CDK19: variants seen among roughly 807,000 people sequenced by gnomAD.
CDK19 encodes cyclin-dependent kinase 19.
In CDK19, 20 loss-of-function variants were observed where a neutral mutation model predicts 68.3. The ratio of observed to expected loss-of-function variants is 0.29; its 90% CI spans 0.21 to 0.43. The LOEUF is 0.43. Ranked by LOEUF, CDK19 falls within the 20% of genes least tolerant of loss-of-function variation. The pLI is 1.00. For synonymous variants in CDK19, 221 were observed against 222.8 expected (o/e 0.99, Z 0.07); for missense variants, 339 against 623.5 (o/e 0.54, Z 4.86).
At chr6:110,811,938 T>C (rs1339173595) in intron 1 of CDK19, among the ~76,000 whole-genome samples, 1 of 151,720 alleles carries the variant, frequency 6.6e-6, no homozygotes, top group Non-Finnish European at 1.5e-5. Context: ...TGGCTCACAC[T>C]TGTAATCCCA....
At chr6:110,749,377 G>A (rs1179697138) in intron 1 of CDK19, among the ~76,000 whole-genome samples, 1 of 150,222 alleles carries the variant, frequency 6.7e-6, no homozygotes, top group Non-Finnish European at 1.5e-5. Flanking sequence ...GAGACACTAT[G>A]TTCCTTTTTT....
chr6:110,678,715 T>C (rs1014534022), intron 2 of CDK19, among the ~76,000 whole-genome samples: 6 of 152,180 alleles, frequency 3.9e-5, no homozygotes, highest in African/African-American at 1.2e-4. Flanking sequence ...TGTAATTCAA[T>C]AGAAAAAAAT....
At chr6:110,702,244 G>A (rs1442864059) in intron 2 of CDK19, among the ~76,000 whole-genome samples, 2 of 152,136 alleles carry the variant, frequency 1.3e-5, no homozygotes, top group African/African-American at 4.8e-5. Flanking sequence ...CCAGGATTTT[G>A]AGACCAGACT....
At chr6:110,651,297 T>G (rs1233898711) in intron 4 of CDK19, among the ~76,000 whole-genome samples, 1 of 152,078 alleles carries the variant, frequency 6.6e-6, no homozygotes, top group African/African-American at 2.4e-5. Flanking sequence ...TCTGTCTGTC[T>G]AACTATCTTC....
intron 1 of CDK19, among the ~76,000 whole-genome samples, chr6:110,773,128 C>A (rs1427059733): frequency 2.0e-5 from 3 of 151,404 alleles, no homozygotes; most frequent in Non-Finnish European, 2.9e-5. Context: ...AGGCAGATCA[C>A]GAGGTCAAGA....
chr6:110,799,740 G>T (rs1782217785), intron 1 of CDK19, among the ~76,000 whole-genome samples: 1 of 152,036 alleles, frequency 6.6e-6, no homozygotes, highest in South Asian at 2.1e-4. Flanking sequence ...TAGGACCACA[G>T]GCATGCACCA....
intron 1 of CDK19, among the ~76,000 whole-genome samples, chr6:110,769,618 G>A (rs1482913644): frequency 6.6e-6 from 1 of 151,536 alleles, no homozygotes; most frequent in Non-Finnish European, 1.5e-5. Flanking sequence ...TGGGGAGCAG[G>A]GGGTGGTATA....
intron 1 of CDK19, among the ~76,000 whole-genome samples, chr6:110,798,556 CAG>C (rs1257472119): frequency 4.9e-5 from 7 of 142,206 alleles, no homozygotes. Context: ...ACCCGGGAGA[CAG>C]AGGTTGCAGT....
At chr6:110,778,167 G>T (rs1780541441) in intron 1 of CDK19, among the ~76,000 whole-genome samples, 1 of 151,922 alleles carries the variant, frequency 6.6e-6, no homozygotes, top group Non-Finnish European at 1.5e-5. Context: ...TTTTAAAAAA[G>T]TAACATGTGC....
chr6:110,625,934 G>T (rs1254470453), intron 8 of CDK19, among the ~76,000 whole-genome samples: 1 of 152,138 alleles, frequency 6.6e-6, no homozygotes, highest in Non-Finnish European at 1.5e-5. Flanking sequence ...ACAATTTTCG[G>T]TAAGTGTGCA....
chr6:110,794,819 C>T (rs1293033034), intron 1 of CDK19, among the ~76,000 whole-genome samples: 1 of 151,772 alleles, frequency 6.6e-6, no homozygotes, highest in Non-Finnish European at 1.5e-5. Context: ...AAAAATCACC[C>T]ATTCTTCCAA....
At chr6:110,808,174 C>G (rs1055670191) in intron 1 of CDK19, among the ~76,000 whole-genome samples, 9 of 152,174 alleles carry the variant, frequency 5.9e-5, no homozygotes, top group African/African-American at 2.2e-4. Context: ...GACTCTAAAC[C>G]TACACAGTCC....
At chr6:110,646,654 C>G (rs1419259316) in intron 4 of CDK19, 2 of 519,230 alleles carry the variant, frequency 3.9e-6, no homozygotes, top group Non-Finnish European at 6.5e-6. Flanking sequence ...ACTCCCTTTT[C>G]CCTTTGGCTT....
chr6:110,772,719 CCT>C (rs2114999228), intron 1 of CDK19, among the ~76,000 whole-genome samples: 1 of 152,058 alleles, frequency 6.6e-6, no homozygotes, highest in Non-Finnish European at 1.5e-5. Flanking sequence ...AAAGCAAGAC[CCT>C]GTCTCTACAA....
At position 110,699,933 on chromosome 6, in the gene CDK19, C is replaced by T. The variant is rs556167776; in HGVS notation, c.205-29392G>A. Among the ~76,000 whole-genome samples the T allele has an allele frequency of 5.9e-5, 9 of 152,214 alleles. No homozygotes were observed. In the South Asian group the frequency reaches 1.9e-3, roughly 32 times the overall value. Reference sequence around the variant, plus strand: ...GCCATGGACCCATACTGGCTCATGGCCTGTTAGGAACAAGCCACACAGCAG... The same window carrying T: ...GCCATGGACCCATACTGGCTCATGGTCTGTTAGGAACAAGCCACACAGCAG... On this transcript the variant is annotated intron_variant, in intron 2 of 12. Coordinates refer to ENST00000368911, the MANE Select transcript of CDK19 (RefSeq NM_015076.5).
chr6:110,647,351 C>CT (rs1245555734), intron 4 of CDK19, among the ~76,000 whole-genome samples: 1 of 141,196 alleles, frequency 7.1e-6, no homozygotes, highest in South Asian at 2.5e-4. Context: ...CCCCTCCTTC[C>CT]TCTGGTGTTT....
chr6:110,681,070 G>T (rs1458108832), intron 2 of CDK19, among the ~76,000 whole-genome samples: 1 of 151,946 alleles, frequency 6.6e-6, no homozygotes, highest in Non-Finnish European at 1.5e-5. Context: ...GGGCGTGGTG[G>T]CTCACACCTG....
intron 2 of CDK19, among the ~76,000 whole-genome samples, chr6:110,678,712 C>A (rs1313364959): frequency 1.3e-5 from 2 of 152,076 alleles, no homozygotes; most frequent in Non-Finnish European, 2.9e-5. Flanking sequence ...ATTTGTAATT[C>A]AATAGAAAAA....
chr6:110,712,662 G>A (rs560001832), intron 2 of CDK19, among the ~76,000 whole-genome samples: 7 of 152,270 alleles, frequency 4.6e-5, no homozygotes, highest in South Asian at 2.1e-4. Flanking sequence ...ATGCTGAAAC[G>A]TAAAAAGATC....
Sources: allele counts gnomAD v4.1 joint callset (sites outside exome capture counted in the v4.1 genomes callset), GRCh38; gene constraint gnomAD v4.1.1; transcripts MANE v1.5; gene names NCBI Gene and HGNC (gene_info 2026-07-23, HGNC 2026-07-21).